Variants in PACSIN1 observed in about 807,000 individuals in gnomAD.
PACSIN1 encodes the protein protein kinase C and casein kinase substrate in neurons 1, also known as protein kinase C and casein kinase substrate in neurons protein 1.
A neutral mutation model predicts 59.5 loss-of-function variants in PACSIN1; 15 were observed. The observed-to-expected ratio is 0.25, with a 90% CI of 0.17 to 0.39. PACSIN1 has a LOEUF of 0.39. PACSIN1 is among the 10% of genes least tolerant of loss of function. The pLI is 1.00. For synonymous variants in PACSIN1, 210 were observed against 220.6 expected, an observed-to-expected ratio of 0.95 and a Z score of 0.42; for missense variants, 420 against 580.2, an observed-to-expected ratio of 0.72 and a Z score of 2.84.
chr6:34,529,687 G>A lies in PACSIN1; in HGVS notation c.634G>A (p.Val212Met), dbSNP rs1246826340. 6.2e-7 allele frequency: 1 copy of A among 1,614,204 alleles called. No individual in the cohort carries two copies. The highest frequency in any genetic ancestry group is 8.5e-7 in the Non-Finnish European group (1 of 1,180,034). Reference sequence around the variant, plus strand: ...ACAGACACAGGAGAAGTATGAGAAAGTGCTGGAAGATGTGGGCAAGACCAC... The same window carrying A: ...ACAGACACAGGAGAAGTATGAGAAAATGCTGGAAGATGTGGGCAAGACCAC... ...VQKTQEKYEK[V>M]LEDVGKTTPQ... is the part of the protein sequence containing the mutation. The change falls in exon 6 of 10, where the codon GTG (valine) becomes ATG (methionine). Residue 212 changes from valine to methionine, a missense_variant. Val to Met is a conservative substitution (Grantham distance 21). Coordinates refer to ENST00000244458, the MANE Select transcript of PACSIN1 (RefSeq NM_020804.5). The surrounding 1 kb of genome is among the most constrained non-coding windows in gnomAD (Gnocchi z 6.3).
chr6:34,491,615 C>T (rs111923689), intron 1 of PACSIN1, among the ~76,000 whole-genome samples: 1 of 144,130 alleles, frequency 6.9e-6, no homozygotes, highest in Non-Finnish European at 1.5e-5. Flanking sequence ...ATTTTCTTTT[C>T]TTTTTTTTTT....
intron 1 of PACSIN1, among the ~76,000 whole-genome samples, chr6:34,522,612 A>T (rs970682956): frequency 1.3e-5 from 2 of 152,086 alleles, no homozygotes; most frequent in Non-Finnish European, 2.9e-5. Context: ...ATGAGAAGGG[A>T]TTTATTAGGG....
chr6:34,482,842 C>A (rs1274387732), intron 1 of PACSIN1, among the ~76,000 whole-genome samples: 5 of 151,878 alleles, frequency 3.3e-5, no homozygotes, highest in Middle Eastern at 3.4e-3. Flanking sequence ...TGCCGCCACA[C>A]CCAGCTAATT....
chr6:34,510,226 C>T (rs1767178321), intron 1 of PACSIN1, among the ~76,000 whole-genome samples: 1 of 152,254 alleles, frequency 6.6e-6, no homozygotes, highest in South Asian at 2.1e-4. Context: ...AACTGGTCTC[C>T]TTGCCTCCAC....
At chr6:34,511,972 C>T (rs898926764) in intron 1 of PACSIN1, among the ~76,000 whole-genome samples, 8 of 152,070 alleles carry the variant, frequency 5.3e-5, no homozygotes, top group Admixed American at 3.9e-4. Context: ...CTCCTCTGAT[C>T]TCACCTGTGG....
At chr6:34,497,660 G>A (rs1204277507) in intron 1 of PACSIN1, among the ~76,000 whole-genome samples, 4 of 152,162 alleles carry the variant, frequency 2.6e-5, no homozygotes, top group Non-Finnish European at 4.4e-5. Context: ...GTTGCCATCC[G>A]ACTCTGTGGT....
At chr6:34,473,140 G>A (rs1008145810) in intron 1 of PACSIN1, among the ~76,000 whole-genome samples, 1 of 150,230 alleles carries the variant, frequency 6.7e-6, no homozygotes, top group South Asian at 2.1e-4. Context: ...ACTGGAGGCA[G>A]GTGTGTTCTG....
Position 34,529,305 on chromosome 6 carries a change from C to G in PACSIN1, c.457-92C>G. 7.2e-7 allele frequency: 1 copy of G among 1,385,568 alleles called. No individual in the cohort carries two copies. Among genetic ancestry groups the G allele is most frequent in the Non-Finnish European group, 1.0e-6 (1 of 997,158 alleles). The allele number at this position is 1,385,568 out of a possible 1,614,324, so 85.8% of individuals were successfully genotyped here. On this transcript the variant is annotated intron_variant, in intron 4 of 9. Transcript: ENST00000244458. The surrounding 1 kb of genome is among the most constrained non-coding windows in gnomAD (Gnocchi z 6.3). ...TCTTAAGAGTGTGGGCTCACAGGTC[C>G]CAGGGAGTGGGCAGGGGAGGAGTTA...
At chr6:34,524,897 C>G (rs556370922) in intron 1 of PACSIN1, among the ~76,000 whole-genome samples, 1 of 152,258 alleles carries the variant, frequency 6.6e-6, no homozygotes, top group Non-Finnish European at 1.5e-5. Context: ...TGCCCGCCCC[C>G]CAGCAGCCCC....
chr6:34,526,103 G>A, intron 1 of PACSIN1, 140 bp from the exon 2 acceptor site: 1 of 572,168 alleles, frequency 1.7e-6, no homozygotes. Context: ...TAAGTCTGGT[G>A]AGTTAGTCTC....
At chr6:34,481,828 C>T (rs1369689248) in intron 1 of PACSIN1, among the ~76,000 whole-genome samples, 1 of 152,156 alleles carries the variant, frequency 6.6e-6, no homozygotes, top group Admixed American at 6.5e-5. Flanking sequence ...AATATTTACT[C>T]TTTTCAAATG....
intron 1 of PACSIN1, among the ~76,000 whole-genome samples, chr6:34,493,944 G>A (rs1018257892): frequency 6.6e-6 from 1 of 152,160 alleles, no homozygotes; most frequent in Non-Finnish European, 1.5e-5. Flanking sequence ...GCATTTCATG[G>A]CCTCCAATGC....
At chr6:34,485,308 C>T (rs1347022571) in intron 1 of PACSIN1, among the ~76,000 whole-genome samples, 1 of 152,018 alleles carries the variant, frequency 6.6e-6, no homozygotes, top group Non-Finnish European at 1.5e-5. Context: ...CTGCAGCTGC[C>T]GTCTGGCAGA....
intron 1 of PACSIN1, among the ~76,000 whole-genome samples, chr6:34,498,582 G>A (rs922620489): frequency 6.9e-4 from 105 of 152,104 alleles, no homozygotes; most frequent in African/African-American, 2.5e-3. Flanking sequence ...TGGATTGCTT[G>A]AGCCCAGGAG....
chr6:34,508,092 T>A (rs1767141225), intron 1 of PACSIN1, among the ~76,000 whole-genome samples: 1 of 140,618 alleles, frequency 7.1e-6, no homozygotes, highest in Non-Finnish European at 1.6e-5. Flanking sequence ...GATCGTATGG[T>A]AGTTCTTTTT....
chr6:34,519,436 C>A (rs938561941), intron 1 of PACSIN1, among the ~76,000 whole-genome samples: 1 of 152,120 alleles, frequency 6.6e-6, no homozygotes, highest in African/African-American at 2.4e-5. Context: ...GGTTTTCAGA[C>A]CCAAAGAGAA....
rs1328170946 is a variant in PACSIN1 at position 34,521,631 on chromosome 6, A to G, written c.-63-4612A>G. On this transcript the variant is annotated intron_variant, in intron 1 of 9. Transcript: ENST00000244458. This position sits in a 1 kb window ranked among gnomAD's most constrained non-coding sequence, Gnocchi z 4.3. Reference sequence around the variant, plus strand: ...GCACTTCACAGGCTGCATCATCCTCATGGACAAGAAAGGCAAGACCCTTCC... The same window carrying G: ...GCACTTCACAGGCTGCATCATCCTCGTGGACAAGAAAGGCAAGACCCTTCC... Among the ~76,000 whole-genome samples the G allele has an allele frequency of 2.0e-5, 3 of 152,082 alleles. No individual in the cohort carries two copies. The highest frequency in any genetic ancestry group is 4.4e-5 in the Non-Finnish European group (3 of 67,992).
chr6:34,468,936 A>G (rs1268657168), intron 1 of PACSIN1, among the ~76,000 whole-genome samples: 1 of 152,056 alleles, frequency 6.6e-6, no homozygotes, highest in Non-Finnish European at 1.5e-5. Flanking sequence ...TTCTCTCCTC[A>G]CCAATATCAG....
At chr6:34,497,232 A>T (rs991784431) in intron 1 of PACSIN1, among the ~76,000 whole-genome samples, 5 of 151,982 alleles carry the variant, frequency 3.3e-5, no homozygotes, top group Non-Finnish European at 7.4e-5. Context: ...TTACCGGCTG[A>T]GCCCCGCGCC....
Sources: gnomAD v4.1 joint callset for allele counts (sites outside exome capture counted in the v4.1 genomes callset) on GRCh38, gnomAD v4.1.1 for gene constraint, Gnocchi (gnomAD v3.1) non-coding constraint, MANE v1.5 for transcripts, NCBI Gene and HGNC (gene_info 2026-07-23, HGNC 2026-07-21) for gene names.